MACROD2: variants seen among roughly 807,000 people sequenced by gnomAD.
MACROD2 encodes the protein ADP-ribose glycohydrolase MACROD2.
MACROD2 carries 36 observed loss-of-function variants against 70.4 expected under a neutral mutation model. The ratio of observed to expected loss-of-function variants is 0.51; its 90% CI spans 0.39 to 0.68. The LOEUF is 0.68. Among genes scored for constraint, MACROD2 ranks in the 30% least tolerant of loss-of-function variants. The pLI is 0.00. For synonymous variants in MACROD2, 172 were observed against 178.8 expected (o/e 0.96, Z 0.30); for missense variants, 496 against 538.4 (o/e 0.92, Z 0.78).
intron 5 of MACROD2, among the ~76,000 whole-genome samples, chr20:14,943,785 G>A (rs2074408785): frequency 6.6e-6 from 1 of 152,138 alleles, no homozygotes; most frequent in Admixed American, 6.5e-5. Flanking sequence ...ACCACTGAAT[G>A]TTTTCTCCTG....
chr20:15,080,219 C>G (rs940779076), intron 5 of MACROD2, among the ~76,000 whole-genome samples: 11 of 152,092 alleles, frequency 7.2e-5, no homozygotes, highest in African/African-American at 2.7e-4. Flanking sequence ...GAGCAGAACT[C>G]CTCAAAAGAC....
intron 12 of MACROD2, among the ~76,000 whole-genome samples, chr20:15,964,255 A>G (rs974880597): frequency 4.6e-5 from 7 of 152,174 alleles, no homozygotes; most frequent in Admixed American, 3.9e-4. Context: ...ACAACAAAAT[A>G]CCATTAACTG....
intron 4 of MACROD2, among the ~76,000 whole-genome samples, chr20:14,653,011 T>C (rs1448542085): frequency 1.3e-5 from 2 of 152,174 alleles, no homozygotes; most frequent in Admixed American, 6.5e-5. Flanking sequence ...ATTAGCCGTG[T>C]ATACCCTTGG....
intron 3 of MACROD2, among the ~76,000 whole-genome samples, chr20:14,272,313 A>C (rs2082203443): frequency 6.6e-6 from 1 of 152,342 alleles, no homozygotes; most frequent in African/African-American, 2.4e-5. Context: ...AAACTCTACA[A>C]GCCAGAAGAC....
At position 14,684,959 on chromosome 20, in the gene MACROD2, T is replaced by C. The variant is rs200436877; in HGVS notation, c.418T>C (p.Tyr140His). Residue 140 changes from tyrosine (Y) to histidine (H), a missense_variant and splice_region_variant, in exon 5 of 18, where the codon TAT becomes CAT. Transcript: ENST00000684519. ...ATGTGGCTATGACCTTCCTGCAAAA[T>C]GTGAGTACAACTGAATACTGTTTCA... is the stretch of plus-strand genomic sequence containing the variant. Reference protein sequence around the residue: ...ITCGYDLPAKYVIHTVGPIAR... With the variant: ...ITCGYDLPAKHVIHTVGPIAR... 6.8e-6 allele frequency: 11 copies of C among 1,608,916 alleles called. No individual in the cohort carries two copies. The highest frequency in any genetic ancestry group is 8.5e-6 in the Non-Finnish European group (10 of 1,175,374).
chr20:14,229,261 GAC>G (rs1439416492), intron 3 of MACROD2, among the ~76,000 whole-genome samples: 1 of 152,138 alleles, frequency 6.6e-6, no homozygotes, highest in African/African-American at 2.4e-5. Context: ...CTTTGTGAAA[GAC>G]ACTGTTAAGA....
chr20:14,033,988 T>G (rs903612735), intron 2 of MACROD2, among the ~76,000 whole-genome samples: 1 of 152,078 alleles, frequency 6.6e-6, no homozygotes, highest in Non-Finnish European at 1.5e-5. Flanking sequence ...ATTTATTTAT[T>G]TGAGATGGAG....
At chr20:14,385,491 A>G (rs2083459664) in intron 3 of MACROD2, among the ~76,000 whole-genome samples, 1 of 152,202 alleles carries the variant, frequency 6.6e-6, no homozygotes, top group Non-Finnish European at 1.5e-5. Flanking sequence ...TTTAATGCTT[A>G]GTAACATAAC....
At chr20:15,711,441 C>A (rs940489608) in intron 8 of MACROD2, among the ~76,000 whole-genome samples, 1 of 152,204 alleles carries the variant, frequency 6.6e-6, no homozygotes, top group African/African-American at 2.4e-5. Flanking sequence ...ACAGACTAAC[C>A]AAGCCTTAAC....
chr20:14,594,133 A>G (rs1268707625), intron 4 of MACROD2, among the ~76,000 whole-genome samples: 2 of 152,182 alleles, frequency 1.3e-5, no homozygotes, highest in Admixed American at 6.5e-5. Flanking sequence ...ACTTTGCCTC[A>G]GGGAGTTGTA....
chr20:14,146,276 G>A (rs2054941725), intron 3 of MACROD2, among the ~76,000 whole-genome samples: 1 of 152,050 alleles, frequency 6.6e-6, no homozygotes, highest in South Asian at 2.1e-4. Context: ...CCGAGGTGGC[G>A]CCACTGCACT....
intron 8 of MACROD2, among the ~76,000 whole-genome samples, chr20:15,510,763 T>G (rs2047488092): frequency 6.6e-6 from 1 of 152,220 alleles, no homozygotes; most frequent in Non-Finnish European, 1.5e-5. Flanking sequence ...ACTGTGGGTC[T>G]CTGGCCATGC....
intron 7 of MACROD2, among the ~76,000 whole-genome samples, chr20:15,481,490 A>G (rs1245119527): frequency 6.6e-6 from 1 of 152,218 alleles, no homozygotes; most frequent in African/African-American, 2.4e-5. Flanking sequence ...TTCTATGTAT[A>G]TGATATATAT....
At chr20:15,134,040 G>T (rs2076126870) in intron 5 of MACROD2, among the ~76,000 whole-genome samples, 1 of 149,286 alleles carries the variant, frequency 6.7e-6, no homozygotes, top group African/African-American at 2.4e-5. Flanking sequence ...CCGCGTAGCT[G>T]GGAATACAGG....
intron 4 of MACROD2, among the ~76,000 whole-genome samples, chr20:14,611,478 G>A (rs1416927822): frequency 1.4e-5 from 2 of 147,702 alleles, no homozygotes; most frequent in Non-Finnish European, 3.0e-5. Context: ...TTTTTGGCGG[G>A]GGGTCATATT....
At chr20:15,958,469 G>T (rs899528190) in intron 12 of MACROD2, among the ~76,000 whole-genome samples, 1 of 152,124 alleles carries the variant, frequency 6.6e-6, no homozygotes, top group Non-Finnish European at 1.5e-5. Flanking sequence ...TGTATTTTAA[G>T]GATCAAATGA....
At chr20:15,686,733 C>T (rs1013392778) in intron 8 of MACROD2, among the ~76,000 whole-genome samples, 6 of 151,858 alleles carry the variant, frequency 4.0e-5, no homozygotes, top group Non-Finnish European at 8.8e-5. Flanking sequence ...ATTAGCCAGG[C>T]GTGGTGGCGC....
chr20:15,212,447 G>C (rs2076772459), intron 5 of MACROD2, among the ~76,000 whole-genome samples: 1 of 152,110 alleles, frequency 6.6e-6, no homozygotes, highest in Non-Finnish European at 1.5e-5. Context: ...TTGGCGCTTT[G>C]TTATAATTTA....
At chr20:14,182,175 A>G (rs1375302279) in intron 3 of MACROD2, among the ~76,000 whole-genome samples, 6 of 152,304 alleles carry the variant, frequency 3.9e-5, no homozygotes, top group Middle Eastern at 3.4e-3. Flanking sequence ...GGAAAAACCT[A>G]TAGCCATCCT....
Sources: allele counts gnomAD v4.1 joint callset (sites outside exome capture counted in the v4.1 genomes callset), GRCh38; gene constraint gnomAD v4.1.1; transcripts MANE v1.5; gene names NCBI Gene and HGNC (gene_info 2026-07-23, HGNC 2026-07-21).